Variants in PHACTR4 observed in about 807,000 individuals in gnomAD.
PHACTR4 encodes phosphatase and actin regulator 4.
A neutral mutation model predicts 72.7 loss-of-function variants in PHACTR4; 51 were observed. The ratio of observed to expected loss-of-function variants is 0.70; its 90% CI spans 0.56 to 0.89. The LOEUF is 0.89. Among genes scored for constraint, PHACTR4 ranks in the 40% least tolerant of loss-of-function variants. The pLI, the probability that PHACTR4 is intolerant of heterozygous loss-of-function variation, is 0.00. For synonymous variants in PHACTR4, 255 were observed against 302.5 expected (o/e 0.84, Z 1.63); for missense variants, 731 against 861.8 (o/e 0.85, Z 1.90).
At chr1:28,383,085 G>T (rs183506047) in intron 1 of PHACTR4, among the ~76,000 whole-genome samples, 1 of 152,126 alleles carries the variant, frequency 6.6e-6, no homozygotes, top group Non-Finnish European at 1.5e-5. Context: ...GAGCCACCGC[G>T]CCTGGCCTCG....
Position 28,466,692 on chromosome 1 carries a change from C to A in PHACTR4, c.747C>A (p.Leu249=). Reference sequence around the variant, plus strand: ...CTAACACTACTGCTACCCCAAGCCTCACTCATATGGTCCCTGCCAAGCAGC... The same window carrying A: ...CTAACACTACTGCTACCCCAAGCCTAACTCATATGGTCCCTGCCAAGCAGC... ...ASTNTTATPS[L]THMVPAKQPP... The change falls in exon 6 of 14, where the codon CTC becomes CTA. Residue 249 remains leucine, a synonymous_variant. Transcript: ENST00000373839. The A allele has an allele frequency of 6.2e-7, 1 of 1,614,090 alleles. No homozygotes were observed. Among genetic ancestry groups the A allele is most frequent in the Non-Finnish European group, 8.5e-7 (1 of 1,180,026 alleles).
At chr1:28,389,006 A>G (rs1652794716) in intron 1 of PHACTR4, among the ~76,000 whole-genome samples, 1 of 152,200 alleles carries the variant, frequency 6.6e-6, no homozygotes, top group South Asian at 2.1e-4. Context: ...AAAAGCAAAA[A>G]TAGTCAAAGG....
chr1:28,495,609 A>T (rs1160679041), intron 13 of PHACTR4, among the ~76,000 whole-genome samples: 5 of 143,780 alleles, frequency 3.5e-5, no homozygotes, highest in African/African-American at 1.2e-4. Flanking sequence ...ATTTTTATTT[A>T]TTTATTTTTT....
intron 6 of PHACTR4, among the ~76,000 whole-genome samples, chr1:28,472,469 A>G (rs567892659): frequency 6.6e-6 from 1 of 152,318 alleles, no homozygotes; most frequent in South Asian, 2.1e-4. Context: ...AAAATTCAAG[A>G]TGTCAGTATT....
At chr1:28,377,002 T>C (rs180962637) in intron 1 of PHACTR4, among the ~76,000 whole-genome samples, 27 of 151,250 alleles carry the variant, frequency 1.8e-4, no homozygotes, top group African/African-American at 6.1e-4. Context: ...TGATCTCAGC[T>C]TACTGCAACC....
In PHACTR4 at chr1:28,493,030, G is replaced by T; in HGVS notation, c.2032G>T (p.Glu678Ter). The T allele has an allele frequency of 6.2e-7, 1 of 1,612,950 alleles. No individual in the cohort carries two copies. Among genetic ancestry groups the T allele is most frequent in the Non-Finnish European group, 8.5e-7 (1 of 1,179,104 alleles). ...TACTCCACAGGCTGCCATAAGAAAAGAATTAAATGAATTTAAAAGCTCCGA... is the reference window on the plus strand; with the variant it reads ...TACTCCACAGGCTGCCATAAGAAAATAATTAAATGAATTTAAAAGCTCCGA... ...TPADKAAIRKELNEFKSSEME... is the reference protein window; with the variant it reads ...TPADKAAIRK Residue 678 changes from glutamate (E) to a stop codon, truncating the protein, a stop_gained, in exon 13 of 14, where the codon GAA (glutamate) becomes TAA (stop). Coordinates refer to ENST00000373839, the MANE Select transcript of PHACTR4 (RefSeq NM_001048183.3). LOFTEE classifies it high-confidence loss of function.
intron 13 of PHACTR4, 60 bp from the exon 14 acceptor site, chr1:28,496,474 C>G: frequency 6.4e-7 from 1 of 1,568,644 alleles, no homozygotes; most frequent in Middle Eastern, 1.7e-4. Context: ...ACTACTGATA[C>G]ATTAATAGCA....
chr1:28,459,745 T>C (rs1252450775), intron 3 of PHACTR4, among the ~76,000 whole-genome samples: 1 of 152,198 alleles, frequency 6.6e-6, no homozygotes. Flanking sequence ...GGTCATGTAC[T>C]AAACCTAATA....
intron 1 of PHACTR4, among the ~76,000 whole-genome samples, chr1:28,380,451 C>G (rs1213858533): frequency 6.6e-6 from 1 of 152,140 alleles, no homozygotes; most frequent in Non-Finnish European, 1.5e-5. Context: ...TATTTTGTCA[C>G]TCAGGTATTA....
At chr1:28,430,257 C>A (rs1318268548) in intron 2 of PHACTR4, among the ~76,000 whole-genome samples, 1 of 152,148 alleles carries the variant, frequency 6.6e-6, no homozygotes, top group Admixed American at 6.6e-5. Context: ...ATCTGCTGAC[C>A]TCGTGATCTG....
At chr1:28,473,472 T>C in intron 6 of PHACTR4, 82 bp from the exon 7 acceptor site, 1 of 1,032,572 alleles carries the variant, frequency 9.7e-7, no homozygotes. Context: ...AAAACTGAAC[T>C]CAACTTTAAT....
chr1:28,445,656 G>T (rs1189866870), intron 2 of PHACTR4, among the ~76,000 whole-genome samples: 1 of 151,876 alleles, frequency 6.6e-6, no homozygotes. Flanking sequence ...GGAGTTATGG[G>T]GTTCTCACCC....
chr1:28,453,164 C>T (rs1570001197), intron 2 of PHACTR4, among the ~76,000 whole-genome samples: 1 of 152,076 alleles, frequency 6.6e-6, no homozygotes, highest in East Asian at 1.9e-4. Flanking sequence ...AATTAACTAG[C>T]ATATACTGTA....
At chr1:28,429,199 T>C (rs774214942) in intron 2 of PHACTR4, among the ~76,000 whole-genome samples, 35 of 152,226 alleles carry the variant, frequency 2.3e-4, no homozygotes, top group Non-Finnish European at 3.7e-4. Context: ...GCTTTCAGCC[T>C]GTTCTTCAGG....
chr1:28,419,443 G>C (rs576855961), intron 2 of PHACTR4, among the ~76,000 whole-genome samples: 1 of 151,648 alleles, frequency 6.6e-6, no homozygotes, highest in Non-Finnish European at 1.5e-5. Flanking sequence ...TGTGTATATA[G>C]TGTAAAAAAC....
intron 2 of PHACTR4, chr1:28,453,510 A>G (rs1658130490): frequency 1.9e-6 from 1 of 535,452 alleles, no homozygotes; most frequent in African/African-American, 1.9e-5. Flanking sequence ...TTATAAGTAT[A>G]TATACATAGG....
At chr1:28,449,719 G>T (rs1657797761) in intron 2 of PHACTR4, among the ~76,000 whole-genome samples, 1 of 151,984 alleles carries the variant, frequency 6.6e-6, no homozygotes, top group Non-Finnish European at 1.5e-5. Flanking sequence ...AGGCGTGGTG[G>T]TGGGCACCTG....
At chr1:28,435,308 A>G (rs1656561713) in intron 2 of PHACTR4, among the ~76,000 whole-genome samples, 3 of 152,180 alleles carry the variant, frequency 2.0e-5, no homozygotes, top group Admixed American at 6.5e-5. Context: ...CCTGTTGCCC[A>G]GGCTGGAGTG....
intron 2 of PHACTR4, among the ~76,000 whole-genome samples, chr1:28,442,694 C>T (rs886097070): frequency 1.3e-5 from 2 of 151,760 alleles, no homozygotes; most frequent in Admixed American, 6.6e-5. Context: ...TTTGTAGAGA[C>T]GGGGTTTCGC....
Sources: allele counts gnomAD v4.1 joint callset (sites outside exome capture counted in the v4.1 genomes callset), GRCh38; gene constraint gnomAD v4.1.1; transcripts MANE v1.5; gene names NCBI Gene and HGNC (gene_info 2026-07-23, HGNC 2026-07-21).